Variants in CACNB4 observed in about 807,000 individuals in gnomAD.
CACNB4 encodes the protein voltage-dependent L-type calcium channel subunit beta-4.
CACNB4 carries 32 observed loss-of-function variants against 71.2 expected under a neutral mutation model. The observed-to-expected ratio is 0.45, with a 90% CI of 0.34 to 0.60. The LOEUF (loss-of-function observed/expected upper bound fraction) is 0.60. Ranked by LOEUF, CACNB4 falls within the 20% of genes least tolerant of loss-of-function variation. The pLI, the probability that CACNB4 is intolerant of heterozygous loss-of-function variation, is 0.01. For missense variants in CACNB4, 464 were observed against 647.9 expected (o/e 0.72, Z 3.08); for synonymous variants, 231 against 236.9 (o/e 0.97, Z 0.23).
chr2:151,986,713 T>C (rs569351140), intron 2 of CACNB4, among the ~76,000 whole-genome samples: 31 of 152,280 alleles, frequency 2.0e-4, no homozygotes, highest in Non-Finnish European at 4.0e-4. Flanking sequence ...GAGAGAAAAG[T>C]TCCCTTCATA....
chr2:152,092,669 C>G (rs1188971493), intron 2 of CACNB4, among the ~76,000 whole-genome samples: 1 of 151,888 alleles, frequency 6.6e-6, no homozygotes, highest in South Asian at 2.1e-4. Context: ...ATTTCCATAT[C>G]ATTACACGCA....
At chr2:151,888,244 A>C (rs1220759055) in intron 2 of CACNB4, among the ~76,000 whole-genome samples, 1 of 152,130 alleles carries the variant, frequency 6.6e-6, no homozygotes, top group East Asian at 1.9e-4. Context: ...AAGGAGAAGC[A>C]AGGGTCTACA....
At chr2:151,874,632 T>G (rs188708853) in intron 5 of CACNB4, among the ~76,000 whole-genome samples, 2 of 152,320 alleles carry the variant, frequency 1.3e-5, no homozygotes, top group East Asian at 3.9e-4. Context: ...GTTCTTATTA[T>G]GACAAAGGTA....
intron 2 of CACNB4, among the ~76,000 whole-genome samples, chr2:152,089,856 C>T (rs1687872947): frequency 6.6e-6 from 1 of 151,970 alleles, no homozygotes; most frequent in African/African-American, 2.4e-5. Flanking sequence ...TGGGAGGATC[C>T]CGTGAGCACA....
chr2:151,947,917 C>A (rs75437993), intron 2 of CACNB4, among the ~76,000 whole-genome samples: 2,772 of 152,292 alleles, frequency 0.018, 99 homozygotes, highest in African/African-American at 0.062. Flanking sequence ...AAATGGCATA[C>A]TGAGGAGTCT....
chr2:152,094,533 C>T (rs959926320), intron 2 of CACNB4, among the ~76,000 whole-genome samples: 2 of 152,082 alleles, frequency 1.3e-5, no homozygotes, highest in African/African-American at 4.8e-5. Context: ...AGTACTCAGC[C>T]GTATAAACTG....
chr2:151,921,364 C>T (rs2099858972), intron 2 of CACNB4, among the ~76,000 whole-genome samples: 1 of 152,132 alleles, frequency 6.6e-6, no homozygotes, highest in Admixed American at 6.5e-5. Flanking sequence ...AGATGAGCCA[C>T]ACTAATCTAG....
At chr2:152,064,431 A>C (rs1485661949) in intron 2 of CACNB4, among the ~76,000 whole-genome samples, 1 of 152,222 alleles carries the variant, frequency 6.6e-6, no homozygotes, top group Non-Finnish European at 1.5e-5. Context: ...CACAGGCTGG[A>C]GTGCAGTGTT....
chr2:151,945,567 C>A (rs2099865343), intron 2 of CACNB4, among the ~76,000 whole-genome samples: 1 of 152,068 alleles, frequency 6.6e-6, no homozygotes, highest in African/African-American at 2.4e-5. Flanking sequence ...GGGAGGATCA[C>A]CTGGTCCCTG....
intron 2 of CACNB4, among the ~76,000 whole-genome samples, chr2:152,038,317 C>T (rs1283580003): frequency 6.6e-6 from 1 of 152,186 alleles, no homozygotes; most frequent in Admixed American, 6.5e-5. Flanking sequence ...AACAGCCCTC[C>T]CCGGCCTTTT....
At chr2:151,854,861 A>G in intron 11 of CACNB4, 1 of 168,362 alleles carries the variant, frequency 5.9e-6, no homozygotes, top group Non-Finnish European at 1.3e-5. Context: ...TACTCTCTCA[A>G]CTAGGTACAG....
chr2:152,075,881 T>C (rs1686981585), intron 2 of CACNB4, among the ~76,000 whole-genome samples: 1 of 152,078 alleles, frequency 6.6e-6, no homozygotes, highest in Admixed American at 6.6e-5. Flanking sequence ...CCCTGGATGC[T>C]CTCTATTAGG....
intron 12 of CACNB4, 33 bp from the exon 13 acceptor site, chr2:151,842,121 A>G (rs1238517126): frequency 1.3e-6 from 2 of 1,593,898 alleles, no homozygotes; most frequent in Non-Finnish European, 1.7e-6. Context: ...CTTTACTTCC[A>G]TTTTAGGTTT....
chr2:151,843,230 T>C (rs2099836680), intron 12 of CACNB4, among the ~76,000 whole-genome samples: 1 of 152,240 alleles, frequency 6.6e-6, no homozygotes, highest in African/African-American at 2.4e-5. Context: ...AGACATATAC[T>C]CTTCAGAGGG....
chr2:152,084,660 A>G (rs1363735512), intron 2 of CACNB4, among the ~76,000 whole-genome samples: 1 of 152,122 alleles, frequency 6.6e-6, no homozygotes, highest in Non-Finnish European at 1.5e-5. Flanking sequence ...ACCAGGCTGG[A>G]GTGCAGTGGC....
At chr2:151,989,690 G>A (rs1681578985) in intron 2 of CACNB4, among the ~76,000 whole-genome samples, 1 of 152,078 alleles carries the variant, frequency 6.6e-6, no homozygotes, top group Non-Finnish European at 1.5e-5. Context: ...TTCAAATACA[G>A]GTCTGAAGTT....
At chr2:151,964,228 T>C (rs887013941) in intron 2 of CACNB4, among the ~76,000 whole-genome samples, 1 of 152,288 alleles carries the variant, frequency 6.6e-6, no homozygotes, top group East Asian at 1.9e-4. Context: ...AATCCATTGA[T>C]ATGAAAAAAA....
chr2:152,021,120 G>A (rs1347892808), intron 2 of CACNB4, among the ~76,000 whole-genome samples: 3 of 152,006 alleles, frequency 2.0e-5, no homozygotes, highest in South Asian at 2.1e-4. Context: ...GGTGGCGAGC[G>A]CCTGTAGTCC....
At chr2:151,956,040 G>A (rs1350986795) in intron 2 of CACNB4, among the ~76,000 whole-genome samples, 1 of 152,242 alleles carries the variant, frequency 6.6e-6, no homozygotes, top group Admixed American at 6.5e-5. Context: ...ACTTGAGACT[G>A]AGCATTGCTT....
Sources: gnomAD v4.1 joint callset for allele counts (sites outside exome capture counted in the v4.1 genomes callset) on GRCh38, gnomAD v4.1.1 for gene constraint, MANE v1.5 for transcripts, NCBI Gene and HGNC (gene_info 2026-07-23, HGNC 2026-07-21) for gene names.